Variants in CAPN9 observed in about 807,000 individuals in gnomAD.
CAPN9 encodes calpain-9.
A neutral mutation model predicts 92.8 loss-of-function variants in CAPN9; 81 were observed. The ratio of observed to expected loss-of-function variants is 0.87; its 90% CI spans 0.73 to 1.05. The LOEUF is 1.05. Among genes scored for constraint, CAPN9 ranks in the 50% least tolerant of loss-of-function variants. The pLI is 0.00. For missense variants in CAPN9, 848 were observed against 866.2 expected (o/e 0.98, Z 0.26); for synonymous variants, 304 against 328.0 (o/e 0.93, Z 0.79).
chr1:230,761,598 A>T (rs991522509), intron 3 of CAPN9, among the ~76,000 whole-genome samples: 2 of 150,250 alleles, frequency 1.3e-5, no homozygotes, highest in Non-Finnish European at 2.9e-5. Flanking sequence ...ATCGTGGCCA[A>T]CTCTTCTGAT....
intron 15 of CAPN9, among the ~76,000 whole-genome samples, 169 bp from the exon 16 acceptor site, chr1:230,792,257 C>T (rs2102929396): frequency 6.6e-6 from 1 of 152,294 alleles, no homozygotes; most frequent in South Asian, 2.1e-4. Context: ...GCCGTTTCCC[C>T]TCTTCAGAGA....
chr1:230,799,887 G>A (rs1668567561), intron 19 of CAPN9, among the ~76,000 whole-genome samples: 2 of 152,056 alleles, frequency 1.3e-5, no homozygotes, highest in Admixed American at 6.6e-5. Flanking sequence ...GAGAGTGATA[G>A]CAAGACCCTG....
Position 230,792,420 on chromosome 1 carries a change from G to A in CAPN9, c.1723-6G>A, listed in dbSNP as rs752357882. 1 of 1,613,360 alleles carries A rather than the reference G, an allele frequency of 6.2e-7. No individual in the cohort carries two copies. The highest frequency in any genetic ancestry group is 8.5e-7 in the Non-Finnish European group (1 of 1,179,288). On this transcript the variant is annotated splice_region_variant and splice_polypyrimidine_tract_variant and intron_variant, in intron 15 of 19. Transcript: ENST00000271971. The stretch of plus-strand genomic sequence containing the variant: ...GCTCATGTCTCCCTTAACCCACATG[G>A]CACAGACCAGCGGCAATGGGAAGCT...
chr1:230,764,415 C>G (rs1465885813), intron 4 of CAPN9, among the ~76,000 whole-genome samples: 1 of 152,218 alleles, frequency 6.6e-6, no homozygotes, highest in Non-Finnish European at 1.5e-5. Context: ...CATCAACCCC[C>G]CAATTCTCAG....
intron 3 of CAPN9, among the ~76,000 whole-genome samples, chr1:230,762,288 C>T (rs1054219387): frequency 1.3e-5 from 2 of 152,204 alleles, no homozygotes; most frequent in African/African-American, 4.8e-5. Flanking sequence ...AAACCCAAAC[C>T]CCACGTTACC....
rs766746250 is a variant in CAPN9 at position 230,759,643 on chromosome 1, C to A, written c.402+13C>A. On this transcript the variant is annotated intron_variant, in intron 3 of 19. Transcript: ENST00000271971. ...ATTCCATTTCCAGGTAAGAGGGAGCCCTGGGCCAGTGGGTTTACCTCTCTG... is the reference window on the plus strand; with the variant it reads ...ATTCCATTTCCAGGTAAGAGGGAGCACTGGGCCAGTGGGTTTACCTCTCTG... 3 of 1,572,918 alleles carry A rather than the reference C, an allele frequency of 1.9e-6. No homozygotes were observed. Among genetic ancestry groups the A allele is most frequent in the Non-Finnish European group, 8.7e-7 (1 of 1,154,036 alleles).
Position 230,768,033 on chromosome 1 carries a change from TAAATAAATAAATAAATAAATAAA to T in CAPN9, c.705+332_705+354del, listed in dbSNP as rs1334630874. Among the ~76,000 whole-genome samples, 78 of 134,166 alleles carry T rather than the reference TAAATAAATAAATAAATAAATAAA, an allele frequency of 5.8e-4. 1 individual carries two copies. In the South Asian group the frequency reaches 0.017, roughly 29 times the overall value. 88.0% of individuals were successfully genotyped at this position (134,166 alleles called of 152,430 possible). ...TATAATAAATAAATAAATAAATAAATAAATAAATAAATAAATAAATAAAAAATAAAATAAAATAAAATAAAAAT... is the reference window on the plus strand; with the variant it reads ...TATAATAAATAAATAAATAAATAAATAAATAAAATAAAATAAAATAAAAAT... On this transcript the variant is annotated intron_variant, in intron 5 of 19. Transcript: ENST00000271971.
chr1:230,793,902 T>C (rs2102934158), intron 17 of CAPN9, among the ~76,000 whole-genome samples: 1 of 152,206 alleles, frequency 6.6e-6, no homozygotes, highest in South Asian at 2.1e-4. Flanking sequence ...AGGAGGGGCA[T>C]GGCTGTGTCT....
intron 4 of CAPN9, among the ~76,000 whole-genome samples, chr1:230,764,271 A>T (rs901112424): frequency 6.6e-6 from 1 of 152,182 alleles, no homozygotes; most frequent in Non-Finnish European, 1.5e-5. Context: ...TTTGCTAAAG[A>T]TCCAAATAAA....
intron 7 of CAPN9, among the ~76,000 whole-genome samples, chr1:230,773,181 C>T (rs752297458): frequency 6.6e-6 from 1 of 152,190 alleles, no homozygotes; most frequent in African/African-American, 2.4e-5. Flanking sequence ...GCACACAGGC[C>T]TGTGCTTTCC....
chr1:230,771,031 G>T (rs919076602), intron 6 of CAPN9, among the ~76,000 whole-genome samples: 1 of 152,130 alleles, frequency 6.6e-6, no homozygotes, highest in Non-Finnish European at 1.5e-5. Context: ...ACTCAAGCAG[G>T]CATGTGATGT....
At chr1:230,785,417 G>T (rs575982001) in intron 11 of CAPN9, among the ~76,000 whole-genome samples, 120 of 152,308 alleles carry the variant, frequency 7.9e-4, no homozygotes, top group African/African-American at 2.4e-3. Context: ...GTAATCCCCA[G>T]TGTTAGGGGT....
chr1:230,779,220 A>AT (rs1667044740), intron 9 of CAPN9, 87 bp downstream of exon 9: 1 of 1,271,796 alleles, frequency 7.9e-7, no homozygotes. Flanking sequence ...GGGTCCTCAG[A>AT]GAAAGCCTGA....
At position 230,780,697 on chromosome 1, in the gene CAPN9, A is replaced by T; in HGVS notation, c.1470A>T (p.Lys490Asn). The change falls in exon 11 of 20, where the codon AAA becomes AAT. Residue 490 changes from lysine to asparagine, a missense_variant. By Grantham distance (94) the Lys-to-Asn change is moderately conservative. Transcript: ENST00000271971. Reference protein sequence around the residue: ...DFCLRIFSEKKAITRDMDGNV... With the variant: ...DFCLRIFSEKNAITRDMDGNV... ...GTCTGAGAATCTTTTCAGAGAAAAA[A>T]GCCATTACCCGGTGAGTCAGAGGAA... 1 of 1,614,012 alleles carries T rather than the reference A, an allele frequency of 6.2e-7. No homozygotes were observed. The highest frequency in any genetic ancestry group is 8.5e-7 in the Non-Finnish European group (1 of 1,179,942).
intron 7 of CAPN9, among the ~76,000 whole-genome samples, chr1:230,772,765 A>G (rs951184262): frequency 6.9e-6 from 1 of 145,762 alleles, no homozygotes. Context: ...TTTTTTTTAA[A>G]GGAAAAAAAA....
At chr1:230,796,197 C>T (rs1434743756) in intron 18 of CAPN9, among the ~76,000 whole-genome samples, 1 of 151,716 alleles carries the variant, frequency 6.6e-6, no homozygotes, top group Non-Finnish European at 1.5e-5. Context: ...TGGTGGTATG[C>T]ACCTGTAATC....
intron 1 of CAPN9, among the ~76,000 whole-genome samples, chr1:230,752,907 C>G (rs12118743): frequency 0.2 from 30,430 of 152,136 alleles, 3,819 homozygotes; most frequent in Non-Finnish European, 0.29. Context: ...AATGGCCCAC[C>G]CTGAACCCTA....
Position 230,772,040 on chromosome 1 carries a change from G to T in CAPN9, c.816G>T (p.Glu272Asp). ...DQVSFRGQRI[E>D]LIRIRNPWGQ... Reference sequence around the variant, plus strand: ...TAAGCTTCCGAGGCCAGAGAATCGAGCTCATCCGAATCCGGAACCCTTGGG... The same window carrying T: ...TAAGCTTCCGAGGCCAGAGAATCGATCTCATCCGAATCCGGAACCCTTGGG... Residue 272 changes from glutamate to aspartate, a missense_variant, in exon 7 of 20, where the codon GAG (glutamate) becomes GAT (aspartate). By Grantham distance (45) the Glu-to-Asp change is conservative. Transcript: ENST00000271971. 1.9e-6 allele frequency: 3 copies of T among 1,614,216 alleles called. No homozygotes were observed. The highest frequency in any genetic ancestry group is 2.5e-6 in the Non-Finnish European group (3 of 1,180,030).
intron 19 of CAPN9, among the ~76,000 whole-genome samples, chr1:230,798,836 G>A (rs1668511985): frequency 6.6e-6 from 1 of 152,136 alleles, no homozygotes. Flanking sequence ...AGAGAGCGTT[G>A]GAAATGCAGA....
Sources: gnomAD v4.1 joint callset for allele counts (sites outside exome capture counted in the v4.1 genomes callset) on GRCh38, gnomAD v4.1.1 for gene constraint, MANE v1.5 for transcripts, NCBI Gene and HGNC (gene_info 2026-07-23, HGNC 2026-07-21) for gene names.